The following AGBL4 variants were observed in gnomAD, a reference collection of about 807,000 sequenced individuals.
AGBL4 encodes AGBL carboxypeptidase 4, also known as cytosolic carboxypeptidase 6.
Under a neutral mutation model 66.4 loss-of-function variants are expected in AGBL4, and 58 were observed. That is an observed-to-expected ratio of 0.87 (90% CI 0.71 to 1.09). The LOEUF (loss-of-function observed/expected upper bound fraction) is 1.09, where lower values mean the gene tolerates loss of function less well. AGBL4 is among the 50% of genes least tolerant of loss of function. The pLI is 0.00. For missense variants in AGBL4, 579 were observed against 631.0 expected, an observed-to-expected ratio of 0.92 and a Z score of 0.88; for synonymous variants, 234 against 222.9, an observed-to-expected ratio of 1.05 and a Z score of -0.44.
intron 2 of AGBL4, among the ~76,000 whole-genome samples, chr1:49,778,719 C>A (rs961872551): frequency 1.4e-4 from 21 of 152,030 alleles, no homozygotes; most frequent in Admixed American, 1.1e-3. Context: ...ACAATTTATA[C>A]CAAATACAAC....
chr1:49,789,746 C>T (rs1644548151), intron 2 of AGBL4, among the ~76,000 whole-genome samples: 1 of 152,134 alleles, frequency 6.6e-6, no homozygotes, highest in South Asian at 2.1e-4. Context: ...ATGAAAATGG[C>T]CATACAGAAC....
intron 6 of AGBL4, among the ~76,000 whole-genome samples, chr1:48,705,905 A>G (rs1354016536): frequency 1.3e-5 from 2 of 152,218 alleles, no homozygotes; most frequent in African/African-American, 2.4e-5. Context: ...ATTTAAAGCA[A>G]TAAATATTAG....
At chr1:49,400,087 T>A (rs1341813139) in intron 3 of AGBL4, among the ~76,000 whole-genome samples, 1 of 152,162 alleles carries the variant, frequency 6.6e-6, no homozygotes, top group Non-Finnish European at 1.5e-5. Context: ...CTAGTTTCAT[T>A]CTTCTGCATA....
intron 3 of AGBL4, among the ~76,000 whole-genome samples, chr1:49,366,458 T>C (rs1429274322): frequency 6.6e-6 from 1 of 152,184 alleles, no homozygotes; most frequent in East Asian, 1.9e-4. Context: ...TTTTCCACCA[T>C]GAGAGAGTCT....
chr1:48,601,278 A>C (rs919081812), intron 9 of AGBL4, among the ~76,000 whole-genome samples: 11 of 152,180 alleles, frequency 7.2e-5, no homozygotes, highest in African/African-American at 2.4e-4. Flanking sequence ...TGAAGATAAC[A>C]ATCACAAATT....
At position 48,689,219 on chromosome 1, in the gene AGBL4, A is replaced by AAAAAGAAAAG. The variant is rs1174074579; in HGVS notation, c.635-25988_635-25979dup. Among the ~76,000 whole-genome samples the AAAAAGAAAAG allele has an allele frequency of 8.5e-5, 12 of 141,584 alleles. 1 individual carries two copies. Among genetic ancestry groups the AAAAAGAAAAG allele is most frequent in the African/African-American group, 2.8e-4 (9 of 32,362 alleles). 92.9% of individuals were successfully genotyped at this position (141,584 alleles called of 152,430 possible). ...ACCCGGTCTCAAAAAAAAAAAAAAA[A>AAAAAGAAAAG]AAAAGAAAAGAAAAGAAAAGAAACA... On this transcript the variant is annotated intron_variant, in intron 6 of 13. Transcript: ENST00000371839.
chr1:49,134,515 G>C (rs1310426653), intron 4 of AGBL4, among the ~76,000 whole-genome samples: 1 of 124,802 alleles, frequency 8.0e-6, no homozygotes, highest in Non-Finnish European at 1.6e-5. Context: ...CTTTTCCCAG[G>C]GCTGTTCATT....
intron 5 of AGBL4, among the ~76,000 whole-genome samples, chr1:48,954,739 T>C (rs1657292275): frequency 6.6e-6 from 1 of 152,188 alleles, no homozygotes; most frequent in Admixed American, 6.5e-5. Context: ...TTTGTTTCTA[T>C]ATGACTACCT....
At chr1:49,764,312 C>A (rs541368352) in intron 2 of AGBL4, among the ~76,000 whole-genome samples, 39 of 152,250 alleles carry the variant, frequency 2.6e-4, no homozygotes, top group Non-Finnish European at 4.9e-4. Context: ...TGCCCCTAGC[C>A]CTCCCGAATG....
At chr1:49,555,236 C>A (rs1653329870) in intron 3 of AGBL4, among the ~76,000 whole-genome samples, 1 of 151,704 alleles carries the variant, frequency 6.6e-6, no homozygotes, top group Non-Finnish European at 1.5e-5. Context: ...ACACAGAGTG[C>A]TGATTGGTGC....
At chr1:49,754,118 G>A (rs1162421555) in intron 2 of AGBL4, among the ~76,000 whole-genome samples, 4 of 152,084 alleles carry the variant, frequency 2.6e-5, no homozygotes, top group Admixed American at 2.0e-4. Flanking sequence ...TCTTGCTGGC[G>A]AGGAGTTGTG....
rs375628806 is a variant in AGBL4 at position 49,194,366 on chromosome 1, AAT to A, written c.377+51402_377+51403del. Among the ~76,000 whole-genome samples the A allele has an allele frequency of 3.8e-3, 577 of 152,250 alleles. 3 individuals carry two copies. Among genetic ancestry groups the A allele is most frequent in the African/African-American group, 0.013 (539 of 41,536 alleles). Reference sequence around the variant, plus strand: ...TCATTTTTGGTTTCCATTTACATAGAATATGTTTTTCACCCCTATACTTTCAG... The same window carrying A: ...TCATTTTTGGTTTCCATTTACATAGAATGTTTTTCACCCCTATACTTTCAG... On this transcript the variant is annotated intron_variant, in intron 4 of 13. Coordinates refer to ENST00000371839, the MANE Select transcript of AGBL4 (RefSeq NM_032785.4).
chr1:49,378,550 G>T (rs1175916010), intron 3 of AGBL4, among the ~76,000 whole-genome samples: 1 of 151,908 alleles, frequency 6.6e-6, no homozygotes, highest in Non-Finnish European at 1.5e-5. Flanking sequence ...TTATCAGTTT[G>T]GGTCATTTGG....
chr1:48,711,468 A>T (rs754626374), intron 6 of AGBL4, among the ~76,000 whole-genome samples: 1 of 152,184 alleles, frequency 6.6e-6, no homozygotes, highest in Non-Finnish European at 1.5e-5. Context: ...TCTGCATACA[A>T]TCAGGGAGAT....
chr1:48,756,588 C>T (rs537859529), intron 6 of AGBL4, among the ~76,000 whole-genome samples: 1 of 152,260 alleles, frequency 6.6e-6, no homozygotes, highest in African/African-American at 2.4e-5. Flanking sequence ...TTCCCAAAGC[C>T]ACAGAGTTGG....
intron 6 of AGBL4, among the ~76,000 whole-genome samples, chr1:48,842,677 A>G (rs1646831581): frequency 6.6e-6 from 1 of 152,226 alleles, no homozygotes. Flanking sequence ...CTATTTAGTC[A>G]AAAAGACTGA....
chr1:48,653,562 T>C, intron 7 of AGBL4, 111 bp from the exon 8 acceptor site: 1 of 747,766 alleles, frequency 1.3e-6, no homozygotes. Context: ...TTGGCCTGTG[T>C]TGTTATTGGC....
Position 49,516,859 on chromosome 1 carries a change from G to A in AGBL4, c.282+180454C>T, listed in dbSNP as rs1649868590. ...GACTCTCACTCTGTTAGGCATACAT[G>A]TCAAGTAGACAGACATTCCTATAAG... is the stretch of plus-strand genomic sequence containing the variant. On this transcript the variant is annotated intron_variant, in intron 3 of 13. Transcript: ENST00000371839. 2.0e-5 allele frequency among the ~76,000 whole-genome samples: 3 copies of A among 152,006 alleles called. No individual in the cohort carries two copies. The South Asian group carries it at 6.2e-4, about 31-fold the overall frequency.
rs544955794 is a variant in AGBL4, at chr1:49,286,164, C to T, written c.283-40300G>A. 1.2e-4 allele frequency among the ~76,000 whole-genome samples: 19 copies of T among 152,286 alleles called. No individual in the cohort carries two copies. The South Asian group carries it at 3.7e-3, about 30-fold the overall frequency. On this transcript the variant is annotated intron_variant, in intron 3 of 13. Coordinates refer to ENST00000371839, the MANE Select transcript of AGBL4 (RefSeq NM_032785.4). The stretch of plus-strand genomic sequence containing the variant: ...AAGCCTTTGACAAAATTCAACAACG[C>T]TTCATGCTAAAAACTCTCAATAAAT...
Sources: allele counts gnomAD v4.1 joint callset (sites outside exome capture counted in the v4.1 genomes callset), GRCh38; gene constraint gnomAD v4.1.1; transcripts MANE v1.5; gene names NCBI Gene and HGNC (gene_info 2026-07-23, HGNC 2026-07-21).